Variants in CCDC30 observed in about 807,000 individuals in gnomAD.
The protein encoded by CCDC30 is coiled-coil domain containing 30, also known as coiled-coil domain-containing protein 30.
Under a neutral mutation model 100.2 loss-of-function variants are expected in CCDC30, and 70 were observed. The observed-to-expected ratio is 0.70, with a 90% CI of 0.58 to 0.85. CCDC30 has a LOEUF of 0.85. CCDC30 is among the 40% of genes least tolerant of loss of function. CCDC30 has a pLI of 0.00. For synonymous variants in CCDC30, 233 were observed against 269.5 expected (o/e 0.86, Z 1.33); for missense variants, 652 against 771.2 (o/e 0.85, Z 1.83).
At chr1:42,612,118 C>A (rs1255368820) in intron 11 of CCDC30, among the ~76,000 whole-genome samples, 1 of 152,168 alleles carries the variant, frequency 6.6e-6, no homozygotes, top group Non-Finnish European at 1.5e-5. Context: ...TTTATACTGT[C>A]TTTCTCTTAA....
chr1:42,639,093 C>G (rs1473394084), intron 12 of CCDC30, among the ~76,000 whole-genome samples: 1 of 152,154 alleles, frequency 6.6e-6, no homozygotes, highest in Non-Finnish European at 1.5e-5. Flanking sequence ...AATAGCGTCC[C>G]TCAAATTCAT....
chr1:42,643,577 A>T (rs555029003), intron 13 of CCDC30, among the ~76,000 whole-genome samples: 1 of 152,198 alleles, frequency 6.6e-6, no homozygotes, highest in South Asian at 2.1e-4. Flanking sequence ...AACATTAATC[A>T]TATTTCTATC....
At chr1:42,570,533 A>C (rs1002309576) in intron 7 of CCDC30, among the ~76,000 whole-genome samples, 10 of 152,196 alleles carry the variant, frequency 6.6e-5, no homozygotes, top group South Asian at 6.2e-4. Flanking sequence ...ATGCCAGCAC[A>C]CTAGTGGCCC....
intron 6 of CCDC30, among the ~76,000 whole-genome samples, chr1:42,542,508 T>C (rs1338907381): frequency 6.6e-6 from 1 of 150,478 alleles, no homozygotes; most frequent in African/African-American, 2.5e-5. Flanking sequence ...CACAGGCACA[T>C]GGCACCACAC....
chr1:42,516,382 T>A (rs909745708), intron 6 of CCDC30, among the ~76,000 whole-genome samples: 5 of 152,016 alleles, frequency 3.3e-5, no homozygotes, highest in African/African-American at 1.2e-4. Flanking sequence ...AGATCCCTCA[T>A]GAATAGATTA....
intron 7 of CCDC30, among the ~76,000 whole-genome samples, chr1:42,566,921 C>T (rs1645617860): frequency 1.3e-5 from 2 of 152,240 alleles, no homozygotes; most frequent in Admixed American, 6.5e-5. Context: ...CCCCCAAAAG[C>T]TTGTTTAAAA....
chr1:42,639,349 G>A (rs1240522479), intron 12 of CCDC30, among the ~76,000 whole-genome samples: 1 of 152,154 alleles, frequency 6.6e-6, no homozygotes, highest in Non-Finnish European at 1.5e-5. Flanking sequence ...ACCACCAGAA[G>A]CTAGGAGAAA....
intron 7 of CCDC30, chr1:42,568,940 C>G (rs1410294331): frequency 7.4e-6 from 1 of 135,074 alleles, no homozygotes; most frequent in East Asian, 2.2e-4. Flanking sequence ...GAGAATCTGT[C>G]TCAAAAAAAA....
At chr1:42,602,777 C>A (rs12125647) in intron 10 of CCDC30, among the ~76,000 whole-genome samples, 56,774 of 152,006 alleles carry the variant, frequency 0.37, 11,269 homozygotes, top group Non-Finnish European at 0.44. Flanking sequence ...GGAATACTCC[C>A]TAATTAATTC....
intron 6 of CCDC30, among the ~76,000 whole-genome samples, chr1:42,531,085 A>G (rs1409440797): frequency 1.3e-5 from 2 of 152,098 alleles, no homozygotes; most frequent in African/African-American, 4.8e-5. Context: ...GCCTGGTGGG[A>G]GGTGATTGGA....
At chr1:42,457,360 G>C in the CCDC30 span, 11 of 1,605,928 alleles carry the variant, frequency 6.8e-6, no homozygotes, top group Non-Finnish European at 9.4e-6. Context: ...GGTGATGGGC[G>C]CTTCTCTTCC....
At chr1:42,577,374 G>A (rs1570124310) in intron 8 of CCDC30, 145 bp downstream of exon 12, 1 of 639,846 alleles carries the variant, frequency 1.6e-6, no homozygotes, top group East Asian at 2.8e-5. Flanking sequence ...CTTCTGTTTT[G>A]ATTTCACCTG....
intron 1 of CCDC30, chr1:42,464,313 A>G (rs892002025): frequency 2.0e-5 from 3 of 152,248 alleles, no homozygotes; most frequent in Non-Finnish European, 4.4e-5. Flanking sequence ...GGCTTACATA[A>G]TGAAAGAAGG....
chr1:42,552,664 G>A (rs984788422), intron 6 of CCDC30, among the ~76,000 whole-genome samples: 3 of 152,148 alleles, frequency 2.0e-5, no homozygotes, highest in African/African-American at 7.2e-5. Context: ...TACAGCTGGT[G>A]AGGATGGGAA....
chr1:42,601,850 C>G (rs1646410529), intron 10 of CCDC30, among the ~76,000 whole-genome samples: 1 of 152,188 alleles, frequency 6.6e-6, no homozygotes, highest in Non-Finnish European at 1.5e-5. Flanking sequence ...CCGTGACCAG[C>G]CCTAACAAGA....
At chr1:42,547,547 G>A (rs1394177278) in intron 6 of CCDC30, among the ~76,000 whole-genome samples, 2 of 152,146 alleles carry the variant, frequency 1.3e-5, no homozygotes, top group African/African-American at 4.8e-5. Flanking sequence ...AATTCATCTA[G>A]GGGTGGGAAA....
chr1:42,506,093 C>G (rs2148485452), intron 6 of CCDC30, among the ~76,000 whole-genome samples: 1 of 152,296 alleles, frequency 6.6e-6, no homozygotes. Flanking sequence ...AAATTTTATT[C>G]ACAAGAGTAT....
chr1:42,494,003 CAA>C (rs1207575259), intron 4 of CCDC30, among the ~76,000 whole-genome samples: 1 of 152,120 alleles, frequency 6.6e-6, no homozygotes, highest in Non-Finnish European at 1.5e-5. Context: ...CACTTGAAGT[CAA>C]GAGTTCAAGA....
intron 1 of CCDC30, among the ~76,000 whole-genome samples, chr1:42,470,004 A>G (rs16829572): frequency 0.13 from 20,066 of 152,222 alleles, 1,501 homozygotes; most frequent in East Asian, 0.18. Flanking sequence ...TTTGTTCTCT[A>G]TCGGCACTCA....
Sources: gnomAD v4.1 joint callset for allele counts (sites outside exome capture counted in the v4.1 genomes callset) on GRCh38, gnomAD v4.1.1 for gene constraint, MANE v1.5 for transcripts, NCBI Gene and HGNC (gene_info 2026-07-23, HGNC 2026-07-21) for gene names.